WNT9B: variants seen among roughly 807,000 people sequenced by gnomAD.
WNT9B encodes the protein Wnt family member 9B, also known as protein Wnt-9b.
In WNT9B, 12 loss-of-function variants were observed where a neutral mutation model predicts 30.2. That is an observed-to-expected ratio of 0.40 (90% CI 0.26 to 0.64). The LOEUF is 0.64. Among genes scored for constraint, WNT9B ranks in the 30% least tolerant of loss-of-function variants. The pLI is 0.42. For synonymous variants in WNT9B, 218 were observed against 216.9 expected, an observed-to-expected ratio of 1.01 and a Z score of -0.05; for missense variants, 442 against 485.2, an observed-to-expected ratio of 0.91 and a Z score of 0.84.
chr17:46,853,598 C>T (rs2084892624), intron 1 of WNT9B, among the ~76,000 whole-genome samples: 1 of 152,034 alleles, frequency 6.6e-6, no homozygotes, highest in Admixed American at 6.6e-5. Flanking sequence ...TCTCGAACTC[C>T]TGATCTCAAT....
downstream of WNT9B, chr17:46,885,476 T>C (rs896441870): frequency 6.4e-6 from 1 of 155,402 alleles, no homozygotes; most frequent in Non-Finnish European, 1.4e-5. Flanking sequence ...CTAATTTTTG[T>C]ATTTTCAGTA....
At chr17:46,834,692 C>G (rs1265743171) in intron 1 of WNT9B, among the ~76,000 whole-genome samples, 1 of 152,154 alleles carries the variant, frequency 6.6e-6, no homozygotes, top group Non-Finnish European at 1.5e-5. Context: ...CACCCCTCCC[C>G]CATGCAGAGG....
chr17:46,840,083 C>G (rs1433941617), intron 1 of WNT9B, among the ~76,000 whole-genome samples: 1 of 141,482 alleles, frequency 7.1e-6, no homozygotes, highest in East Asian at 2.0e-4. Flanking sequence ...TTCCTTCATT[C>G]CTTCTTTCTT....
At chr17:46,876,148 C>G (rs1219556715) in intron 3 of WNT9B, 97 bp from the exon 4 acceptor site, 1 of 1,199,662 alleles carries the variant, frequency 8.3e-7, no homozygotes. Flanking sequence ...CTTTCCCATT[C>G]TCCTGCCTCT....
chr17:46,869,188 C>T (rs1014767769), intron 1 of WNT9B, among the ~76,000 whole-genome samples: 10 of 152,280 alleles, frequency 6.6e-5, no homozygotes, highest in African/African-American at 2.4e-4. Context: ...GGTCATTAAT[C>T]GCTACTAAGT....
At chr17:46,874,012 G>A (rs968760612) in intron 2 of WNT9B, among the ~76,000 whole-genome samples, 1 of 150,886 alleles carries the variant, frequency 6.6e-6, no homozygotes, top group Non-Finnish European at 1.5e-5. Flanking sequence ...AAAAAATGCA[G>A]TGATGCTGTA....
At chr17:46,851,425 C>A (rs1387004945), upstream of WNT9B, among the ~76,000 whole-genome samples, 1 of 148,004 alleles carries the variant, frequency 6.8e-6, no homozygotes, top group Non-Finnish European at 1.5e-5. The surrounding 1 kb of genome is among the most constrained non-coding windows in gnomAD (Gnocchi z 4.3). Context: ...GGTCCAGGGG[C>A]GGCTGCCCCA....
intron 1 of WNT9B, among the ~76,000 whole-genome samples, chr17:46,852,444 A>C (rs2084868413): frequency 7.8e-6 from 1 of 128,728 alleles, no homozygotes; most frequent in South Asian, 2.5e-4. Flanking sequence ...GTGTGTGTAC[A>C]TGGTTGGAAA....
intron 1 of WNT9B, among the ~76,000 whole-genome samples, chr17:46,846,232 A>T (rs1489831687): frequency 6.6e-6 from 1 of 152,228 alleles, no homozygotes; most frequent in Non-Finnish European, 1.5e-5. Flanking sequence ...CATGAACATT[A>T]TAAAATCAGA....
At position 46,879,194 on chromosome 17, in the gene WNT9B, G is replaced by T. The variant is rs148493731; in HGVS notation, c.*2476G>T. Among the ~76,000 whole-genome samples, 1,048 of 152,248 alleles carry T rather than the reference G, an allele frequency of 6.9e-3. 12 individuals carry two copies. Among genetic ancestry groups the T allele is most frequent in the African/African-American group, 0.024 (992 of 41,542 alleles). On this transcript the variant is annotated 3_prime_UTR_variant, in exon 4 of 4. Coordinates refer to ENST00000290015, the MANE Select transcript of WNT9B (RefSeq NM_003396.3). ...CTATATTTCACAGACAGCACAGGTG[G>T]GGTTTGTGTATTTTCCCGGAAACCC...
rs1031509331 is a variant in WNT9B at position 46,837,230 on chromosome 17, C to T, written c.95+3790C>T. ...TGCTGGGATTACAGGCGTGAGCCAC[C>T]GTGCCTGGCTGAACCTTGCAAGTAT... On this transcript the variant is annotated intron_variant, in intron 1 of 2. Transcript: ENST00000575372. Among the ~76,000 whole-genome samples, 3 of 152,148 alleles carry T rather than the reference C, an allele frequency of 2.0e-5. 1 individual carries two copies. In the South Asian group the frequency reaches 6.2e-4, roughly 32 times the overall value.
Position 46,878,218 on chromosome 17 carries a change from C to T in WNT9B, c.*1500C>T, listed in dbSNP as rs1218387889. 6.6e-6 allele frequency among the ~76,000 whole-genome samples: 1 copy of T among 152,274 alleles called. No individual in the cohort carries two copies. Among genetic ancestry groups the T allele is most frequent in the Non-Finnish European group, 1.5e-5 (1 of 68,048 alleles). On this transcript the variant is annotated 3_prime_UTR_variant, in exon 4 of 4. Transcript: ENST00000290015. ...GAAGCCCTTGGCCACTTTGCTGGCC[C>T]TGCCACGCCCATCTGTCAGCTTCCT...
chr17:46,871,042 C>T (rs1366180341), intron 1 of WNT9B, among the ~76,000 whole-genome samples: 1 of 151,430 alleles, frequency 6.6e-6, no homozygotes, highest in Non-Finnish European at 1.5e-5. Context: ...TCCCAAGTAG[C>T]TGGGACTACA....
chr17:46,836,591 G>A (rs549487992), intron 1 of WNT9B, among the ~76,000 whole-genome samples: 1 of 152,342 alleles, frequency 6.6e-6, no homozygotes, highest in Non-Finnish European at 1.5e-5. Context: ...GGAGAAATAA[G>A]TAGGATAATG....
chr17:46,844,120 A>AT (rs374810917), intron 1 of WNT9B, among the ~76,000 whole-genome samples: 24 of 149,138 alleles, frequency 1.6e-4, no homozygotes, highest in African/African-American at 3.7e-4. Flanking sequence ...TGCCTGGCTA[A>AT]TTTTTTTTTT....
intron 1 of WNT9B, among the ~76,000 whole-genome samples, chr17:46,842,835 T>C (rs907584184): frequency 1.3e-5 from 2 of 152,200 alleles, no homozygotes; most frequent in African/African-American, 4.8e-5. Flanking sequence ...GTGCACCTCT[T>C]CTGAATCACA....
intron 1 of WNT9B, among the ~76,000 whole-genome samples, chr17:46,846,512 C>G (rs753634635): frequency 6.6e-6 from 1 of 152,222 alleles, no homozygotes; most frequent in East Asian, 1.9e-4. Context: ...GCACAAAGTA[C>G]AGTTGTGCCA....
At chr17:46,834,573 C>A (rs2146509461) in intron 1 of WNT9B, among the ~76,000 whole-genome samples, 1 of 152,288 alleles carries the variant, frequency 6.6e-6, no homozygotes, top group South Asian at 2.1e-4. Context: ...TCAACTCTAG[C>A]AAGCAAATAT....
chr17:46,844,305 C>CTTTTTTTTTT (rs34889221), intron 1 of WNT9B, among the ~76,000 whole-genome samples: 1 of 127,416 alleles, frequency 7.8e-6, no homozygotes, highest in Non-Finnish European at 1.6e-5. Flanking sequence ...AGTTAGCCAC[C>CTTTTTTTTTT]TTTTTTTTTT....
Sources: gnomAD v4.1 joint callset for allele counts (sites outside exome capture counted in the v4.1 genomes callset) on GRCh38, gnomAD v4.1.1 for gene constraint, Gnocchi (gnomAD v3.1) non-coding constraint, MANE v1.5 for transcripts, NCBI Gene and HGNC (gene_info 2026-07-23, HGNC 2026-07-21) for gene names.